Variants in ABCD3 observed in about 807,000 individuals in gnomAD.
ABCD3 encodes the protein ATP-binding cassette sub-family D member 3.
ABCD3 carries 41 observed loss-of-function variants against 105.5 expected under a neutral mutation model. That is an observed-to-expected ratio of 0.39 (90% CI 0.30 to 0.50). The LOEUF (loss-of-function observed/expected upper bound fraction) is 0.50, where lower values mean the gene tolerates loss of function less well. Among genes scored for constraint, ABCD3 ranks in the 20% least tolerant of loss-of-function variants. The probability of loss-of-function intolerance (pLI) is 0.84; values close to 1 mark genes in which losing one functional copy is unlikely to be tolerated. For missense variants in ABCD3, 622 were observed against 806.3 expected, an observed-to-expected ratio of 0.77 and a Z score of 2.77; for synonymous variants, 258 against 269.0, an observed-to-expected ratio of 0.96 and a Z score of 0.40.
chr1:94,473,618 TGCAAAAAAG>T, intron 4 of ABCD3, 139 bp from the exon 5 acceptor site: 2 of 668,592 alleles, frequency 3.0e-6, no homozygotes, highest in Non-Finnish European at 2.7e-6. Flanking sequence ...AACATGTTTT[TGCAAAAAAG>T]TGGTTTTTAG....
intron 16 of ABCD3, among the ~76,000 whole-genome samples, chr1:94,494,952 A>G (rs370171705): frequency 2.4e-4 from 37 of 152,238 alleles, no homozygotes; most frequent in African/African-American, 8.9e-4. Context: ...GTGGTGGTGC[A>G]CACCTTTGGT....
At chr1:94,502,296 C>T (rs954485527) in intron 20 of ABCD3, among the ~76,000 whole-genome samples, 5 of 152,162 alleles carry the variant, frequency 3.3e-5, no homozygotes, top group African/African-American at 9.7e-5. Flanking sequence ...TTTTCTACCC[C>T]GTTACTTAAC....
upstream of ABCD3, chr1:94,418,357 C>T (rs1404786105): frequency 1.2e-6 from 1 of 835,032 alleles, no homozygotes; most frequent in Non-Finnish European, 1.9e-6. Context: ...AGGGGGCGGT[C>T]CTGCGCGGCC....
At chr1:94,472,013 C>T (rs1266664285) in intron 4 of ABCD3, among the ~76,000 whole-genome samples, 4 of 152,094 alleles carry the variant, frequency 2.6e-5, no homozygotes, top group Admixed American at 2.6e-4. Context: ...CTTGTTGCTG[C>T]TTTATCTAAT....
At chr1:94,397,452 C>T in the ABCD3 span, among the ~76,000 whole-genome samples, 2 of 152,162 alleles carry the variant, frequency 1.3e-5, no homozygotes, top group Non-Finnish European at 2.9e-5. Context: ...TTGAAGAGTA[C>T]TGGTCAAGTA....
At chr1:94,444,388 C>G (rs1484553577) in intron 1 of ABCD3, among the ~76,000 whole-genome samples, 1 of 149,074 alleles carries the variant, frequency 6.7e-6, no homozygotes, top group East Asian at 2.0e-4. Flanking sequence ...TGGTCTCAAA[C>G]TCCTGGACTC....
chr1:94,483,811 A>G (rs2101012556), intron 10 of ABCD3, among the ~76,000 whole-genome samples: 1 of 152,318 alleles, frequency 6.6e-6, no homozygotes, highest in African/African-American at 2.4e-5. Flanking sequence ...ATTAAACTAA[A>G]GAGCTTCTGC....
chr1:94,466,674 A>G (rs1422360217), intron 3 of ABCD3, among the ~76,000 whole-genome samples: 1 of 152,234 alleles, frequency 6.6e-6, no homozygotes, highest in Non-Finnish European at 1.5e-5. Context: ...TTCAGGCATA[A>G]CTAATTGTCC....
rs990990780 is a variant in ABCD3 at position 94,449,387 on chromosome 1, A to T, written c.111-9220A>T. On this transcript the variant is annotated intron_variant, in intron 1 of 22. Coordinates refer to ENST00000370214, the MANE Select transcript of ABCD3 (RefSeq NM_002858.4). ...CAGTCACAATGAGTAATTTGATGGTACCTATGATAGCAGTGATTACCATTG... is the reference window on the plus strand; with the variant it reads ...CAGTCACAATGAGTAATTTGATGGTTCCTATGATAGCAGTGATTACCATTG... Among the ~76,000 whole-genome samples, 2 of 152,220 alleles carry T rather than the reference A, an allele frequency of 1.3e-5. 1 individual carries two copies. Among genetic ancestry groups the T allele is most frequent in the Non-Finnish European group, 2.9e-5 (2 of 68,042 alleles).
the ABCD3 span, among the ~76,000 whole-genome samples, chr1:94,396,627 G>A: frequency 3.3e-5 from 5 of 152,106 alleles, no homozygotes; most frequent in South Asian, 2.1e-4. Flanking sequence ...GCGCACGTGC[G>A]TGTGTGTTTA....
chr1:94,493,980 A>T (rs1649670175), intron 16 of ABCD3, among the ~76,000 whole-genome samples: 1 of 152,114 alleles, frequency 6.6e-6, no homozygotes, highest in African/African-American at 2.4e-5. Flanking sequence ...GCATTAGGAG[A>T]TATACCTAAT....
At chr1:94,481,511 C>T (rs562289962) in intron 9 of ABCD3, 2 of 152,364 alleles carry the variant, frequency 1.3e-5, no homozygotes, top group East Asian at 3.9e-4. Flanking sequence ...GTAATAAGAA[C>T]ACTCACTGCT....
chr1:94,513,767 T>C lies in ABCD3; in HGVS notation c.1846-1379T>C, dbSNP rs188146907. 20 of 152,146 alleles carry C rather than the reference T, an allele frequency of 1.3e-4. No homozygotes were observed. The East Asian group carries it at 3.7e-3, about 28-fold the overall frequency. 9.4% of individuals were successfully genotyped at this position (152,146 alleles called of 1,614,324 possible). ...TCATGTAAAGAATGTGTGCATTAAG[T>C]AGATGTCTAATCCAATTATTGTAGT... On this transcript the variant is annotated intron_variant, in intron 21 of 22. Coordinates refer to ENST00000370214, the MANE Select transcript of ABCD3 (RefSeq NM_002858.4).
intron 1 of ABCD3, among the ~76,000 whole-genome samples, chr1:94,426,507 G>C (rs750088381): frequency 6.6e-6 from 1 of 151,262 alleles, no homozygotes; most frequent in Non-Finnish European, 1.5e-5. Context: ...CTTTCACAAT[G>C]GTTTTCCCTT....
At chr1:94,429,469 G>T (rs1450027289) in intron 1 of ABCD3, among the ~76,000 whole-genome samples, 2 of 152,154 alleles carry the variant, frequency 1.3e-5, no homozygotes, top group Non-Finnish European at 2.9e-5. Context: ...AGACCTGGAG[G>T]TTTAGGAGGA....
At chr1:94,498,036 CTCTT>C (rs1423842491) in intron 16 of ABCD3, among the ~76,000 whole-genome samples, 5 of 152,072 alleles carry the variant, frequency 3.3e-5, no homozygotes, top group South Asian at 2.1e-4. Flanking sequence ...AACTTTATCT[CTCTT>C]TATCTTAAGT....
chr1:94,516,971 A>C, intron 22 of ABCD3, 81 bp from the exon 23 acceptor site: 2 of 954,552 alleles, frequency 2.1e-6, no homozygotes, highest in African/African-American at 3.2e-5. Flanking sequence ...ATAATGAGGA[A>C]GTCTGTATTT....
intron 1 of ABCD3, among the ~76,000 whole-genome samples, chr1:94,435,277 C>T (rs1659855131): frequency 6.6e-6 from 1 of 152,110 alleles, no homozygotes; most frequent in Admixed American, 6.5e-5. Flanking sequence ...TGGTGGTTCT[C>T]ACCTGTAATC....
intron 16 of ABCD3, among the ~76,000 whole-genome samples, chr1:94,497,320 G>T (rs1649871706): frequency 6.6e-6 from 1 of 151,910 alleles, no homozygotes; most frequent in Non-Finnish European, 1.5e-5. Context: ...TGGCCTACTT[G>T]CCTAGAACAG....
Sources: gnomAD v4.1 joint callset for allele counts (sites outside exome capture counted in the v4.1 genomes callset) on GRCh38, gnomAD v4.1.1 for gene constraint, MANE v1.5 for transcripts, NCBI Gene and HGNC (gene_info 2026-07-23, HGNC 2026-07-21) for gene names.